The following GALNT13 variants were observed in gnomAD, a reference collection of about 807,000 sequenced individuals.
The protein encoded by GALNT13 is UDP-GalNAc:polypeptide N-acetylgalactosaminyltransferase 13.
GALNT13 carries 28 observed loss-of-function variants against 64.2 expected under a neutral mutation model. The ratio of observed to expected loss-of-function variants is 0.44; its 90% confidence interval spans 0.32 to 0.60. The LOEUF (loss-of-function observed/expected upper bound fraction) is 0.60, where lower values mean the gene tolerates loss of function less well. GALNT13 is among the 20% of genes least tolerant of loss of function. The pLI is 0.05. For synonymous variants in GALNT13, 214 were observed against 224.6 expected, an observed-to-expected ratio of 0.95 and a Z score of 0.42; for missense variants, 577 against 669.8, an observed-to-expected ratio of 0.86 and a Z score of 1.53.
chr2:153,649,432 T>A, the GALNT13 span, among the ~76,000 whole-genome samples: 1 of 151,560 alleles, frequency 6.6e-6, no homozygotes, highest in Admixed American at 6.6e-5. Flanking sequence ...GATTCATTAA[T>A]TTTTTGAAGG....
chr2:154,386,274 A>G (rs1698509761), intron 9 of GALNT13, among the ~76,000 whole-genome samples: 1 of 152,040 alleles, frequency 6.6e-6, no homozygotes, highest in African/African-American at 2.4e-5. Flanking sequence ...AGGGGAAAAA[A>G]ATGTAACCAT....
chr2:154,439,077 T>C (rs1701148930), intron 12 of GALNT13, among the ~76,000 whole-genome samples: 1 of 152,174 alleles, frequency 6.6e-6, no homozygotes, highest in South Asian at 2.1e-4. Context: ...TATGTCCATA[T>C]TTTCAAATTT....
intron 9 of GALNT13, among the ~76,000 whole-genome samples, chr2:154,339,390 T>C (rs1294239569): frequency 6.6e-6 from 1 of 152,034 alleles, no homozygotes; most frequent in African/African-American, 2.4e-5. Flanking sequence ...TTTCTTTCAG[T>C]GACTCAAAAA....
intron 9 of GALNT13, among the ~76,000 whole-genome samples, chr2:154,309,496 C>T (rs1317603190): frequency 6.6e-6 from 1 of 152,128 alleles, no homozygotes; most frequent in Non-Finnish European, 1.5e-5. Context: ...CTGGTGAGGG[C>T]CTTGTGCCAC....
At chr2:153,759,218 A>C in the GALNT13 span, among the ~76,000 whole-genome samples, 7 of 152,056 alleles carry the variant, frequency 4.6e-5, no homozygotes, top group African/African-American at 1.4e-4. Flanking sequence ...TTAGGTTTTC[A>C]TACATAAGAT....
the GALNT13 span, among the ~76,000 whole-genome samples, chr2:153,767,932 T>C: frequency 6.6e-6 from 1 of 152,202 alleles, no homozygotes; most frequent in Non-Finnish European, 1.5e-5. Flanking sequence ...TTTCTTATGC[T>C]GTGCAGACAC....
At chr2:153,907,450 G>C (rs1053631904) in intron 2 of GALNT13, among the ~76,000 whole-genome samples, 2 of 151,700 alleles carry the variant, frequency 1.3e-5, no homozygotes, top group African/African-American at 2.4e-5. Flanking sequence ...GGTTTGTTAT[G>C]TAGGTAAACT....
chr2:153,853,712 A>G, the GALNT13 span, among the ~76,000 whole-genome samples: 253 of 150,122 alleles, frequency 1.7e-3, 1 homozygote, highest in African/African-American at 5.7e-3. Context: ...ATATCATATA[A>G]TTATATATTA....
chr2:154,308,876 T>C (rs1442353338), intron 9 of GALNT13, among the ~76,000 whole-genome samples: 1 of 152,196 alleles, frequency 6.6e-6, no homozygotes, highest in Non-Finnish European at 1.5e-5. Context: ...TTTTCCTTGC[T>C]ACAATCAATT....
chr2:153,838,705 AGTTTTGTTCTT>A, the GALNT13 span, among the ~76,000 whole-genome samples: 1 of 151,922 alleles, frequency 6.6e-6, no homozygotes, highest in Admixed American at 6.6e-5. Flanking sequence ...TGATGCATCC[AGTTTTGTTCTT>A]CTTGTTCAAG....
At chr2:154,429,727 G>C (rs1198964049) in intron 11 of GALNT13, among the ~76,000 whole-genome samples, 1 of 152,200 alleles carries the variant, frequency 6.6e-6, no homozygotes, top group East Asian at 1.9e-4. Flanking sequence ...TCCATAGCTA[G>C]AAAAGCGAAG....
intron 8 of GALNT13, among the ~76,000 whole-genome samples, chr2:154,277,896 A>G (rs111678437): frequency 0.02 from 3,088 of 152,266 alleles, 80 homozygotes; most frequent in African/African-American, 0.062. Context: ...CATTTTTGGT[A>G]TGGAATTATT....
At chr2:154,414,929 C>CA (rs1699944370) in intron 11 of GALNT13, among the ~76,000 whole-genome samples, 1 of 151,658 alleles carries the variant, frequency 6.6e-6, no homozygotes, top group Non-Finnish European at 1.5e-5. Flanking sequence ...GGCATAATAT[C>CA]AAAATTGGTA....
rs75100126 is a variant in GALNT13, at chr2:153,949,946, C to T, written c.142+5307C>T. On this transcript the variant is annotated intron_variant, in intron 3 of 12. Transcript: ENST00000392825. ...ATGAAATTGGATGCCTAACTCATGTCATGAAGTTTGGATTTAGGACTTAAA... is the reference window on the plus strand; with the variant it reads ...ATGAAATTGGATGCCTAACTCATGTTATGAAGTTTGGATTTAGGACTTAAA... 2.4e-4 allele frequency among the ~76,000 whole-genome samples: 36 copies of T among 151,994 alleles called. No individual in the cohort carries two copies. The East Asian group carries it at 6.8e-3, about 29-fold the overall frequency.
the GALNT13 span, among the ~76,000 whole-genome samples, chr2:153,863,711 C>T: frequency 1.3e-5 from 2 of 152,030 alleles, no homozygotes; most frequent in Non-Finnish European, 2.9e-5. Context: ...TCGAAACATG[C>T]TTGACATAAT....
At chr2:153,499,405 A>T in the GALNT13 span, among the ~76,000 whole-genome samples, 1 of 152,128 alleles carries the variant, frequency 6.6e-6, no homozygotes, top group East Asian at 1.9e-4. Context: ...AAAGTCCCGT[A>T]AGTTCTCACT....
rs181637960 is a variant in GALNT13 at position 154,358,970 on chromosome 2, T to C, written c.1157-37021T>C. ...GTAATAAAATAGGACAAAACAAATT[T>C]TGATGGGCAATTTCATCGTAGCCCA... is the stretch of plus-strand genomic sequence containing the variant. On this transcript the variant is annotated intron_variant, in intron 9 of 12. Coordinates refer to ENST00000392825, the MANE Select transcript of GALNT13 (RefSeq NM_052917.4). Among the ~76,000 whole-genome samples the C allele has an allele frequency of 8.5e-4, 129 of 152,232 alleles. 2 individuals are homozygous for C. The highest frequency in any genetic ancestry group is 7.4e-3 in the Admixed American group (113 of 15,262).
At chr2:153,476,882 C>A in the GALNT13 span, among the ~76,000 whole-genome samples, 13 of 152,140 alleles carry the variant, frequency 8.5e-5, no homozygotes, top group Non-Finnish European at 1.5e-4. Flanking sequence ...CCTCCGCCCC[C>A]CGGCCCCACC....
chr2:153,080,934 C>G, the GALNT13 span, among the ~76,000 whole-genome samples: 1 of 151,884 alleles, frequency 6.6e-6, no homozygotes, highest in African/African-American at 2.4e-5. Context: ...ACATTGTGAT[C>G]ATTGCCTTTT....
Sources: gnomAD v4.1 joint callset for allele counts (sites outside exome capture counted in the v4.1 genomes callset) on GRCh38, gnomAD v4.1.1 for gene constraint, MANE v1.5 for transcripts, NCBI Gene and HGNC (gene_info 2026-07-23, HGNC 2026-07-21) for gene names.